The following AGAP1 variants were observed in gnomAD, a reference collection of about 807,000 sequenced individuals.
AGAP1 encodes the protein arf-GAP with GTPase, ANK repeat and PH domain-containing protein 1.
A neutral mutation model predicts 105.3 loss-of-function variants in AGAP1; 29 were observed. That is an observed-to-expected ratio of 0.28 (90% CI 0.21 to 0.38). The LOEUF (loss-of-function observed/expected upper bound fraction) is 0.38, where lower values mean the gene tolerates loss of function less well. Ranked by LOEUF, AGAP1 falls within the 10% of genes least tolerant of loss-of-function variation. The probability of loss-of-function intolerance (pLI) is 1.00; values close to 1 mark genes in which losing one functional copy is unlikely to be tolerated. For synonymous variants in AGAP1, 509 were observed against 485.9 expected, an observed-to-expected ratio of 1.05 and a Z score of -0.63; for missense variants, 998 against 1,165.1, an observed-to-expected ratio of 0.86 and a Z score of 2.09.
At chr2:236,052,233 G>C (rs2057921760) in intron 16 of AGAP1, among the ~76,000 whole-genome samples, 1 of 152,166 alleles carries the variant, frequency 6.6e-6, no homozygotes, top group Non-Finnish European at 1.5e-5. Context: ...GTTTTCCCAA[G>C]GAGCTCTGGT....
chr2:236,111,941 G>A (rs1344606479), intron 16 of AGAP1, among the ~76,000 whole-genome samples: 1 of 152,214 alleles, frequency 6.6e-6, no homozygotes, highest in Non-Finnish European at 1.5e-5. Flanking sequence ...GTCATCGGCA[G>A]TGTTGTCACG....
chr2:235,671,958 G>A (rs1948456220), intron 1 of AGAP1, among the ~76,000 whole-genome samples: 1 of 152,112 alleles, frequency 6.6e-6, no homozygotes, highest in Admixed American at 6.5e-5. Flanking sequence ...GGTGGAAGTG[G>A]TGCTAGATTG....
chr2:236,065,840 T>G (rs1274220958), intron 16 of AGAP1, among the ~76,000 whole-genome samples: 1 of 152,254 alleles, frequency 6.6e-6, no homozygotes, highest in Admixed American at 6.5e-5. Context: ...TCCAGAGTCC[T>G]TCCTTCTGTC....
rs2055484492 is a variant in AGAP1 at position 235,989,820 on chromosome 2, CA to C, written c.1645+21198del. Among the ~76,000 whole-genome samples the C allele has an allele frequency of 6.6e-6, 1 of 152,136 alleles. No homozygotes were observed. Among genetic ancestry groups the C allele is most frequent in the Non-Finnish European group, 1.5e-5 (1 of 68,030 alleles). ...GTGGAACGGTCACAGCAGCAGCTCA[CA>C]GGGAGGGACAGCCTCGGAAGAGGAA... On this transcript the variant is annotated intron_variant, in intron 13 of 17. Coordinates refer to ENST00000304032, the MANE Select transcript of AGAP1 (RefSeq NM_001037131.3). The surrounding 1 kb of genome is among the most constrained non-coding windows in gnomAD (Gnocchi z 4.4).
intron 12 of AGAP1, among the ~76,000 whole-genome samples, chr2:235,946,173 C>T (rs1216310332): frequency 6.6e-6 from 1 of 151,862 alleles, no homozygotes; most frequent in African/African-American, 2.4e-5. Flanking sequence ...CTAAAAAACT[C>T]AGTCCTACAC....
chr2:235,520,654 C>A (rs1313371705), intron 1 of AGAP1, among the ~76,000 whole-genome samples: 1 of 152,018 alleles, frequency 6.6e-6, no homozygotes, highest in Non-Finnish European at 1.5e-5. Flanking sequence ...TTTTATAATT[C>A]TCTCATTATT....
chr2:235,997,254 T>C (rs1239028662), intron 13 of AGAP1, among the ~76,000 whole-genome samples: 2 of 152,184 alleles, frequency 1.3e-5, no homozygotes, highest in Non-Finnish European at 2.9e-5. Context: ...CACGCCTAGC[T>C]AATTTTGTAT....
rs1485823150 is a variant in AGAP1, at chr2:236,044,504, C to T, written c.1891+3663C>T. The stretch of plus-strand genomic sequence containing the variant: ...TGCGCTGGTCCCTCCCACCCTGCTG[C>T]GTGGACCTCACAGGTGCCCCTCTCT... On this transcript the variant is annotated intron_variant, in intron 15 of 17. Transcript: ENST00000304032. The surrounding 1 kb of genome is among the most constrained non-coding windows in gnomAD (Gnocchi z 5.7). Among the ~76,000 whole-genome samples, 5 of 152,124 alleles carry T rather than the reference C, an allele frequency of 3.3e-5. No individual in the cohort carries two copies. Among genetic ancestry groups the T allele is most frequent in the African/African-American group, 4.8e-5 (2 of 41,430 alleles).
rs569765505 is a variant in AGAP1, at chr2:235,496,041, G to A, written c.163+1192G>A. Among the ~76,000 whole-genome samples, 3 of 152,236 alleles carry A rather than the reference G, an allele frequency of 2.0e-5. No individual in the cohort carries two copies. The East Asian group carries it at 5.8e-4, about 29-fold the overall frequency. ...GGAGAGGGTATCAGCCCACAGAGAG[G>A]CTTTGCCTTGGCACTATGTAGTCTG... On this transcript the variant is annotated intron_variant, in intron 1 of 17. Coordinates refer to ENST00000304032, the MANE Select transcript of AGAP1 (RefSeq NM_001037131.3).
chr2:235,945,584 CT>C (rs1279030458), intron 12 of AGAP1, among the ~76,000 whole-genome samples: 2 of 88,300 alleles, frequency 2.3e-5, no homozygotes, highest in Non-Finnish European at 4.2e-5. Flanking sequence ...GCATTTTCCC[CT>C]AATAAAAAAA....
At chr2:235,933,536 A>T (rs1430031384) in intron 12 of AGAP1, among the ~76,000 whole-genome samples, 1 of 141,982 alleles carries the variant, frequency 7.0e-6, no homozygotes, top group African/African-American at 2.6e-5. Context: ...TTTTCTAAGG[A>T]TTTTTTTTTT....
Position 235,838,849 on chromosome 2 carries a change from CT to C in AGAP1, c.1050+31529del, listed in dbSNP as rs367945501. On this transcript the variant is annotated intron_variant, in intron 9 of 17. Transcript: ENST00000304032. ...CTCTCTGACCCTAATTGATTAAAGA[CT>C]TTTTTTTTTTAAGAAGCATAAATTA... is the stretch of plus-strand genomic sequence containing the variant. 4.2e-3 allele frequency among the ~76,000 whole-genome samples: 625 copies of C among 147,982 alleles called. 2 individuals carry two copies. The highest frequency in any genetic ancestry group is 0.014 in the African/African-American group (550 of 40,506).
At position 235,719,737 on chromosome 2, in the gene AGAP1, C is replaced by T. The variant is rs1951289042; in HGVS notation, c.310+2093C>T. Among the ~76,000 whole-genome samples, 2 of 152,314 alleles carry T rather than the reference C, an allele frequency of 1.3e-5. No homozygotes were observed. Among genetic ancestry groups the T allele is most frequent in the African/African-American group, 4.8e-5 (2 of 41,574 alleles). On this transcript the variant is annotated intron_variant, in intron 3 of 17. Coordinates refer to ENST00000304032, the MANE Select transcript of AGAP1 (RefSeq NM_001037131.3). The surrounding 1 kb of genome is among the most constrained non-coding windows in gnomAD (Gnocchi z 4.9). Reference sequence around the variant, plus strand: ...ATGATCCCTGACCTTTTCTCATGCCCTGCAGCAGCCCTCCCTGGGCATGTG... The same window carrying T: ...ATGATCCCTGACCTTTTCTCATGCCTTGCAGCAGCCCTCCCTGGGCATGTG...
chr2:236,119,720 G>T lies in AGAP1; in HGVS notation c.2115-472G>T, dbSNP rs892280680. 6.6e-6 allele frequency among the ~76,000 whole-genome samples: 1 copy of T among 152,162 alleles called. No homozygotes were observed. The highest frequency in any genetic ancestry group is 2.4e-5 in the African/African-American group (1 of 41,454). ...GCCCCGGAGACCGTGCTTCCATCGT[G>T]CTGGTCCCAGGCAGTAGGGTGGTTT... On this transcript the variant is annotated intron_variant, in intron 16 of 17. Coordinates refer to ENST00000304032, the MANE Select transcript of AGAP1 (RefSeq NM_001037131.3). The surrounding 1 kb of genome is among the most constrained non-coding windows in gnomAD (Gnocchi z 6.6).
At chr2:236,039,741 A>G (rs1576140784) in intron 14 of AGAP1, among the ~76,000 whole-genome samples, 1 of 146,098 alleles carries the variant, frequency 6.8e-6, no homozygotes, top group East Asian at 1.9e-4. Flanking sequence ...GCAGGTTTCT[A>G]TGCAGCAATA....
chr2:235,802,805 G>GTGA (rs1957572897), intron 8 of AGAP1, among the ~76,000 whole-genome samples: 1 of 3,258 alleles, frequency 3.1e-4, no homozygotes. Flanking sequence ...GATGGTTGTG[G>GTGA]TGGTGGTGGT....
chr2:235,591,343 C>T (rs541457408), intron 1 of AGAP1, among the ~76,000 whole-genome samples: 59 of 152,252 alleles, frequency 3.9e-4, no homozygotes, highest in African/African-American at 1.2e-3. Flanking sequence ...TAAACAGCAA[C>T]GGGAATGAAT....
chr2:235,533,476 A>G (rs1420066020), intron 1 of AGAP1, among the ~76,000 whole-genome samples: 1 of 152,214 alleles, frequency 6.6e-6, no homozygotes, highest in African/African-American at 2.4e-5. Flanking sequence ...AGGAAGAAGC[A>G]TGTCAGATAA....
At chr2:235,798,247 A>G (rs1957332168) in intron 7 of AGAP1, among the ~76,000 whole-genome samples, 1 of 152,112 alleles carries the variant, frequency 6.6e-6, no homozygotes, top group Admixed American at 6.5e-5. Context: ...ATCTCGCTTT[A>G]TACTTAAATT....
Sources: gnomAD v4.1 joint callset for allele counts (sites outside exome capture counted in the v4.1 genomes callset) on GRCh38, gnomAD v4.1.1 for gene constraint, Gnocchi (gnomAD v3.1) non-coding constraint, MANE v1.5 for transcripts, NCBI Gene and HGNC (gene_info 2026-07-23, HGNC 2026-07-21) for gene names.